Variants in CELF4 observed in about 807,000 individuals in gnomAD.
The protein encoded by CELF4 is CUGBP Elav-like family member 4.
A neutral mutation model predicts 59.9 loss-of-function variants in CELF4; 18 were observed. That is an observed-to-expected ratio of 0.30 (90% CI 0.21 to 0.45). The LOEUF is 0.45. Among genes scored for constraint, CELF4 ranks in the 20% least tolerant of loss-of-function variants. The pLI is 1.00. For missense variants in CELF4, 456 were observed against 689.0 expected, an observed-to-expected ratio of 0.66 and a Z score of 3.79; for synonymous variants, 261 against 267.1, an observed-to-expected ratio of 0.98 and a Z score of 0.22.
At chr18:37,431,480 G>C (rs2099664061) in intron 2 of CELF4, among the ~76,000 whole-genome samples, 1 of 145,282 alleles carries the variant, frequency 6.9e-6, no homozygotes, top group Non-Finnish European at 1.5e-5. Flanking sequence ...CCATTCTCCT[G>C]CCTCAGCCTC....
At chr18:37,458,927 C>T (rs147368579) in intron 2 of CELF4, among the ~76,000 whole-genome samples, 115 of 152,298 alleles carry the variant, frequency 7.6e-4, no homozygotes, top group East Asian at 5.4e-3. Context: ...CTTTTGTAGA[C>T]GCTAAGCTTG....
intron 2 of CELF4, among the ~76,000 whole-genome samples, chr18:37,423,471 G>A (rs1167164097): frequency 2.0e-5 from 3 of 152,072 alleles, no homozygotes; most frequent in Non-Finnish European, 4.4e-5. Context: ...AGACATTGTT[G>A]GTAAAAGGAG....
Position 37,318,640 on chromosome 18 carries a change from C to G in CELF4, c.448+3163G>C, listed in dbSNP as rs989674643. On this transcript the variant is annotated intron_variant, in intron 3 of 12. Coordinates refer to ENST00000420428, the MANE Select transcript of CELF4 (RefSeq NM_020180.4). ...GGCTTTCCCTACACCTCCCCCCCCC[C>G]CCACTTTCTACTGCAAGAAGAATAA... Among the ~76,000 whole-genome samples the G allele has an allele frequency of 6.9e-3, 1,030 of 150,348 alleles. 6 individuals are homozygous for G. The highest frequency in any genetic ancestry group is 0.011 in the Non-Finnish European group (776 of 67,574).
Position 37,334,929 on chromosome 18 carries a change from T to C in CELF4, c.370-13048A>G, listed in dbSNP as rs2097709728. 2.0e-5 allele frequency among the ~76,000 whole-genome samples: 3 copies of C among 152,050 alleles called. No homozygotes were observed. In the South Asian group the frequency reaches 6.2e-4, roughly 32 times the overall value. On this transcript the variant is annotated intron_variant, in intron 2 of 12. Coordinates refer to ENST00000420428, the MANE Select transcript of CELF4 (RefSeq NM_020180.4). Reference sequence around the variant, plus strand: ...GCACAAACCTGAGTCATCCTAGAAATGGCACCGACATTTGCTTTTTAGAAT... The same window carrying C: ...GCACAAACCTGAGTCATCCTAGAAACGGCACCGACATTTGCTTTTTAGAAT...
At chr18:37,525,102 C>G (rs1419309425) in intron 1 of CELF4, among the ~76,000 whole-genome samples, 1 of 152,126 alleles carries the variant, frequency 6.6e-6, no homozygotes, top group Non-Finnish European at 1.5e-5. Context: ...TTGTGCCTCC[C>G]CCTTTCTTCC....
intron 2 of CELF4, among the ~76,000 whole-genome samples, chr18:37,380,785 C>CCA (rs2099029260): frequency 2.8e-5 from 1 of 36,108 alleles, no homozygotes; most frequent in African/African-American, 1.0e-4. Flanking sequence ...CTATCCATTT[C>CCA]TCCATGAATC....
chr18:37,308,736 T>C (rs982181091), intron 3 of CELF4, among the ~76,000 whole-genome samples: 2 of 151,210 alleles, frequency 1.3e-5, no homozygotes, highest in Non-Finnish European at 2.9e-5. Context: ...TGCCAGGATT[T>C]GGTGTCTAGG....
intron 3 of CELF4, among the ~76,000 whole-genome samples, chr18:37,279,533 TAC>T (rs2093851276): frequency 6.6e-6 from 1 of 152,222 alleles, no homozygotes; most frequent in East Asian, 1.9e-4. Flanking sequence ...AAGCATGTTC[TAC>T]AGTCTCTCAA....
intron 1 of CELF4, among the ~76,000 whole-genome samples, chr18:37,529,920 G>A (rs1007992326): frequency 3.5e-4 from 54 of 152,300 alleles, no homozygotes; most frequent in African/African-American, 1.2e-3. Context: ...GTTTGGTCCT[G>A]AGGGGCTACT....
At chr18:37,331,098 G>T (rs746348675) in intron 2 of CELF4, among the ~76,000 whole-genome samples, 3 of 152,182 alleles carry the variant, frequency 2.0e-5, no homozygotes, top group African/African-American at 4.8e-5. Context: ...ATACCGGCAC[G>T]TAGGCCCTGT....
At chr18:37,295,947 T>C (rs778729524) in intron 3 of CELF4, among the ~76,000 whole-genome samples, 36 of 152,174 alleles carry the variant, frequency 2.4e-4, no homozygotes, top group African/African-American at 8.7e-4. Context: ...TAGTGTGAGA[T>C]TGGTGCATCC....
chr18:37,475,360 G>A (rs1269948250), intron 2 of CELF4, among the ~76,000 whole-genome samples: 1 of 152,198 alleles, frequency 6.6e-6, no homozygotes, highest in Admixed American at 6.5e-5. Context: ...GAGTGACATG[G>A]CTCAGATGAT....
chr18:37,550,860 G>T (rs1417572649), intron 1 of CELF4, among the ~76,000 whole-genome samples: 3 of 152,248 alleles, frequency 2.0e-5, no homozygotes, highest in Non-Finnish European at 4.4e-5. Context: ...GGCTCTAAAA[G>T]GTCCCTGTTA....
intron 6 of CELF4, 106 bp downstream of exon 6, chr18:37,274,205 G>A: frequency 6.5e-7 from 1 of 1,531,750 alleles, no homozygotes; most frequent in Middle Eastern, 2.4e-4. Flanking sequence ...TCACTCTGGA[G>A]GGAGAGGGCA....
At chr18:37,504,374 G>GAGCTACTCTGGAGAGGTTGC (rs2099935200) in intron 1 of CELF4, among the ~76,000 whole-genome samples, 1 of 149,534 alleles carries the variant, frequency 6.7e-6, no homozygotes, top group Non-Finnish European at 1.5e-5. Context: ...CCTGTAATCC[G>GAGCTACTCTGGAGAGGTTGC]AGCTACTCTG....
At position 37,486,954 on chromosome 18, in the gene CELF4, C is replaced by A. The variant is rs79064634; in HGVS notation, c.287-1347G>T. Among the ~76,000 whole-genome samples, 8 of 152,352 alleles carry A rather than the reference C, an allele frequency of 5.3e-5. No individual in the cohort carries two copies. The East Asian group carries it at 1.5e-3, about 29-fold the overall frequency. On this transcript the variant is annotated intron_variant, in intron 1 of 12. Transcript: ENST00000420428. ...GCCCTCCTTGGCTGGTCTAGTCCATCCCCAGCCAGTCTCCACAGCCAGCCA... is the reference window on the plus strand; with the variant it reads ...GCCCTCCTTGGCTGGTCTAGTCCATACCCAGCCAGTCTCCACAGCCAGCCA...
chr18:37,555,298 G>C (rs2099984436), intron 1 of CELF4, among the ~76,000 whole-genome samples: 1 of 152,174 alleles, frequency 6.6e-6, no homozygotes, highest in African/African-American at 2.4e-5. Context: ...ATGGTTAGGG[G>C]ATCCTATTTC....
At chr18:37,490,017 T>C (rs557902723) in intron 1 of CELF4, among the ~76,000 whole-genome samples, 1 of 152,238 alleles carries the variant, frequency 6.6e-6, no homozygotes, top group East Asian at 1.9e-4. Flanking sequence ...AAAAACCACC[T>C]AAATGTCCCT....
chr18:37,338,003 T>C (rs1399214349), intron 2 of CELF4, among the ~76,000 whole-genome samples: 2 of 147,850 alleles, frequency 1.4e-5, no homozygotes, highest in African/African-American at 2.5e-5. Context: ...TCATCACTAC[T>C]GTCACTGCCA....
Sources: gnomAD v4.1 joint callset for allele counts (sites outside exome capture counted in the v4.1 genomes callset) on GRCh38, gnomAD v4.1.1 for gene constraint, MANE v1.5 for transcripts, NCBI Gene and HGNC (gene_info 2026-07-23, HGNC 2026-07-21) for gene names.